Variants in GRIP1 observed in about 807,000 individuals in gnomAD.
GRIP1 encodes glutamate receptor-interacting protein 1.
GRIP1 carries 45 observed loss-of-function variants against 129.9 expected under a neutral mutation model. The ratio of observed to expected loss-of-function variants is 0.35; its 90% CI spans 0.27 to 0.44. The LOEUF (loss-of-function observed/expected upper bound fraction) is 0.44, where lower values mean the gene tolerates loss of function less well. Ranked by LOEUF, GRIP1 falls within the 20% of genes least tolerant of loss-of-function variation. The pLI is 1.00. For missense variants in GRIP1, 1,196 were observed against 1,396.8 expected (o/e 0.86, Z 2.29); for synonymous variants, 530 against 520.8 (o/e 1.02, Z -0.24).
chr12:66,877,169 A>T (rs2040397989), intron 1 of GRIP1, among the ~76,000 whole-genome samples: 1 of 152,080 alleles, frequency 6.6e-6, no homozygotes, highest in South Asian at 2.1e-4. Context: ...TGTAACCGAC[A>T]GCATTTGAGG....
chr12:66,512,807 C>T (rs1023025811), intron 7 of GRIP1, among the ~76,000 whole-genome samples: 1 of 151,772 alleles, frequency 6.6e-6, no homozygotes, highest in Admixed American at 6.6e-5. Context: ...TATTGACAAA[C>T]CCTGATGAGA....
At chr12:66,558,043 A>G (rs1321830897) in intron 2 of GRIP1, among the ~76,000 whole-genome samples, 1 of 152,176 alleles carries the variant, frequency 6.6e-6, no homozygotes, top group Non-Finnish European at 1.5e-5. Context: ...AGTTTTTTGA[A>G]TAAACAAAAT....
chr12:66,743,289 C>T (rs1283925320), intron 1 of GRIP1, among the ~76,000 whole-genome samples: 1 of 151,824 alleles, frequency 6.6e-6, no homozygotes, highest in East Asian at 1.9e-4. Context: ...AGAAACAATG[C>T]TGAGAACCAC....
chr12:66,433,931 A>G (rs1450358894), intron 13 of GRIP1, among the ~76,000 whole-genome samples: 3 of 152,160 alleles, frequency 2.0e-5, no homozygotes, highest in Non-Finnish European at 4.4e-5. Context: ...CCTTAGCTTA[A>G]TTTACTAACC....
chr12:66,906,419 A>T (rs2040933889), intron 1 of GRIP1, among the ~76,000 whole-genome samples: 1 of 152,206 alleles, frequency 6.6e-6, no homozygotes, highest in South Asian at 2.1e-4. Flanking sequence ...CAACCAAGTG[A>T]GACCCTGTCT....
At chr12:66,969,988 G>A (rs11176506) in intron 1 of GRIP1, among the ~76,000 whole-genome samples, 31,862 of 152,006 alleles carry the variant, frequency 0.21, 4,059 homozygotes, top group East Asian at 0.29. Flanking sequence ...CATAGCTACC[G>A]AAATTCCCTG....
At chr12:66,812,820 T>C (rs2039129296) in intron 1 of GRIP1, among the ~76,000 whole-genome samples, 1 of 152,234 alleles carries the variant, frequency 6.6e-6, no homozygotes, top group South Asian at 2.1e-4. Flanking sequence ...ACATACTTTT[T>C]AGGAGGAAAA....
intron 1 of GRIP1, among the ~76,000 whole-genome samples, chr12:66,819,030 TATTTA>T (rs2039274386): frequency 6.6e-6 from 1 of 152,210 alleles, no homozygotes; most frequent in African/African-American, 2.4e-5. Flanking sequence ...CTTTTACATG[TATTTA>T]GTTTAGTGCA....
At chr12:66,552,801 A>G (rs2062186362) in intron 2 of GRIP1, among the ~76,000 whole-genome samples, 1 of 152,170 alleles carries the variant, frequency 6.6e-6, no homozygotes, top group Non-Finnish European at 1.5e-5. Flanking sequence ...TTGTTTGATG[A>G]GACTTGATTC....
At chr12:67,050,765 C>G (rs921920555) in intron 1 of GRIP1, among the ~76,000 whole-genome samples, 1 of 152,068 alleles carries the variant, frequency 6.6e-6, no homozygotes, top group Non-Finnish European at 1.5e-5. Context: ...TGTCCTATAA[C>G]CAAATAAATG....
intron 2 of GRIP1, among the ~76,000 whole-genome samples, chr12:66,593,794 C>A (rs2139733018): frequency 6.6e-6 from 1 of 152,184 alleles, no homozygotes; most frequent in African/African-American, 2.4e-5. Flanking sequence ...CTCGGCTGGG[C>A]ACGGTGGCTC....
chr12:66,959,405 T>C (rs1451824326), intron 1 of GRIP1, among the ~76,000 whole-genome samples: 1 of 152,112 alleles, frequency 6.6e-6, no homozygotes, highest in Non-Finnish European at 1.5e-5. Context: ...AAAAAGCGGG[T>C]GATGTATTAT....
intron 1 of GRIP1, among the ~76,000 whole-genome samples, chr12:66,867,171 T>C (rs1280033813): frequency 6.7e-6 from 1 of 150,196 alleles, no homozygotes; most frequent in Non-Finnish European, 1.5e-5. Flanking sequence ...GTATTTTTAG[T>C]AGAGACGGTG....
intron 1 of GRIP1, among the ~76,000 whole-genome samples, chr12:66,851,519 T>C (rs1443042587): frequency 6.6e-6 from 1 of 152,122 alleles, no homozygotes. Flanking sequence ...TCAGTGCTAA[T>C]TTGTAAGATT....
chr12:66,667,515 A>G (rs1398013342), intron 1 of GRIP1, among the ~76,000 whole-genome samples: 1 of 152,232 alleles, frequency 6.6e-6, no homozygotes, highest in South Asian at 2.1e-4. Flanking sequence ...ATAAAGAACT[A>G]GGTTGCCTAA....
intron 1 of GRIP1, among the ~76,000 whole-genome samples, chr12:66,777,152 C>A (rs1266794233): frequency 6.6e-6 from 1 of 152,158 alleles, no homozygotes; most frequent in Non-Finnish European, 1.5e-5. Flanking sequence ...TCAGTGGTGA[C>A]AGGAGCCTTG....
At chr12:66,630,140 C>T (rs2030591861) in intron 1 of GRIP1, 1 of 152,160 alleles carries the variant, frequency 6.6e-6, no homozygotes, top group African/African-American at 2.4e-5. Context: ...CACTGGAGGC[C>T]AGGAGTTTGA....
At chr12:66,911,551 G>T (rs1193347174) in intron 1 of GRIP1, among the ~76,000 whole-genome samples, 6 of 152,098 alleles carry the variant, frequency 3.9e-5, no homozygotes, top group African/African-American at 1.4e-4. Context: ...GAGAGAGAAG[G>T]TTTGAAGAAA....
intron 1 of GRIP1, among the ~76,000 whole-genome samples, chr12:66,745,250 C>T (rs1240367161): frequency 6.6e-6 from 1 of 152,170 alleles, no homozygotes; most frequent in African/African-American, 2.4e-5. Flanking sequence ...GAAGAAAATA[C>T]ACAAATGACT....
Sources: allele counts gnomAD v4.1 joint callset (sites outside exome capture counted in the v4.1 genomes callset), GRCh38; gene constraint gnomAD v4.1.1; transcripts MANE v1.5; gene names NCBI Gene and HGNC (gene_info 2026-07-23, HGNC 2026-07-21).